MARCHF1: variants seen among roughly 807,000 people sequenced by gnomAD.
MARCHF1 encodes E3 ubiquitin-protein ligase MARCHF1.
In MARCHF1, 40 loss-of-function variants were observed where a neutral mutation model predicts 54.2. That is an observed-to-expected ratio of 0.74 (90% CI 0.57 to 0.96). MARCHF1 has a LOEUF of 0.96. MARCHF1 is among the 40% of genes least tolerant of loss of function. The probability of loss-of-function intolerance (pLI) is 0.00; values close to 1 mark genes in which losing one functional copy is unlikely to be tolerated. For synonymous variants in MARCHF1, 236 were observed against 236.3 expected, an observed-to-expected ratio of 1.00 and a Z score of 0.01; for missense variants, 586 against 656.5, an observed-to-expected ratio of 0.89 and a Z score of 1.17.
chr4:163,830,210 A>G (rs1459418755), intron 4 of MARCHF1, among the ~76,000 whole-genome samples: 1 of 151,984 alleles, frequency 6.6e-6, no homozygotes, highest in Non-Finnish European at 1.5e-5. Flanking sequence ...GAAATTTTTC[A>G]TAGATTTCCT....
chr4:163,859,793 C>T (rs1173797867), intron 3 of MARCHF1, among the ~76,000 whole-genome samples: 1 of 152,126 alleles, frequency 6.6e-6, no homozygotes, highest in Non-Finnish European at 1.5e-5. Context: ...TCTTCCAATC[C>T]TCATTATACT....
rs1480871352 is a variant in MARCHF1, at chr4:163,560,168, T to C, written c.1192-14425A>G. Among the ~76,000 whole-genome samples the C allele has an allele frequency of 5.3e-5, 8 of 152,352 alleles. No individual in the cohort carries two copies. The South Asian group carries it at 1.7e-3, about 32-fold the overall frequency. ...TACCTCACCCAAAGTCATAAAGGTT[T>C]TCTCCTTCGTTTTCTTGTAGAAGTG... On this transcript the variant is annotated intron_variant, in intron 8 of 9. Coordinates refer to ENST00000514618, the MANE Select transcript of MARCHF1 (RefSeq NM_001394959.1).
intron 4 of MARCHF1, among the ~76,000 whole-genome samples, chr4:163,798,902 T>C (rs879670341): frequency 6.6e-6 from 1 of 151,736 alleles, no homozygotes; most frequent in Non-Finnish European, 1.5e-5. Context: ...AAGTTACTTA[T>C]GTATAACTTC....
intron 4 of MARCHF1, among the ~76,000 whole-genome samples, chr4:163,848,862 A>G (rs755944166): frequency 6.6e-5 from 10 of 152,178 alleles, no homozygotes; most frequent in Non-Finnish European, 1.0e-4. Flanking sequence ...TCTACAGATT[A>G]AAAAAGGAAA....
At chr4:163,614,713 T>A (rs1741457002) in intron 5 of MARCHF1, among the ~76,000 whole-genome samples, 1 of 152,082 alleles carries the variant, frequency 6.6e-6, no homozygotes, top group African/African-American at 2.4e-5. Flanking sequence ...TAGTGAATAT[T>A]TTACCTTTTA....
At chr4:164,145,018 C>G (rs1177320337) in intron 1 of MARCHF1, among the ~76,000 whole-genome samples, 1 of 138,570 alleles carries the variant, frequency 7.2e-6, no homozygotes, top group Non-Finnish European at 1.5e-5. Flanking sequence ...GAAATACGAA[C>G]TACCGTCAGA....
chr4:164,265,747 A>G (rs1372308421), intron 1 of MARCHF1, among the ~76,000 whole-genome samples: 1 of 151,950 alleles, frequency 6.6e-6, no homozygotes, highest in African/African-American at 2.4e-5. Context: ...CTGGACCAAG[A>G]CAAGCTCTTC....
At chr4:164,128,060 G>T (rs1197093452) in intron 1 of MARCHF1, among the ~76,000 whole-genome samples, 1 of 152,086 alleles carries the variant, frequency 6.6e-6, no homozygotes, top group Non-Finnish European at 1.5e-5. Flanking sequence ...TGAAGAATAT[G>T]AATTTTTAAA....
intron 5 of MARCHF1, among the ~76,000 whole-genome samples, chr4:163,639,526 G>A (rs979949142): frequency 6.6e-6 from 1 of 152,142 alleles, no homozygotes; most frequent in Admixed American, 6.6e-5. Context: ...ATAAAATTCA[G>A]TGTAACAGAA....
intron 1 of MARCHF1, among the ~76,000 whole-genome samples, chr4:164,128,956 T>C (rs187045142): frequency 6.6e-6 from 1 of 152,152 alleles, no homozygotes; most frequent in Admixed American, 6.6e-5. Context: ...ATTTAACAAC[T>C]GTTCTGTTGT....
chr4:164,259,479 G>A (rs1347039871), intron 1 of MARCHF1, among the ~76,000 whole-genome samples: 1 of 69,326 alleles, frequency 1.4e-5, no homozygotes, highest in Non-Finnish European at 2.9e-5. Flanking sequence ...GGGAGGCAGA[G>A]GTTGCGGTGA....
chr4:163,779,255 C>T (rs1747394543), intron 4 of MARCHF1, among the ~76,000 whole-genome samples: 1 of 152,048 alleles, frequency 6.6e-6, no homozygotes, highest in Non-Finnish European at 1.5e-5. Flanking sequence ...ATTTTAGTCA[C>T]ATAGAATCAC....
intron 3 of MARCHF1, among the ~76,000 whole-genome samples, chr4:163,934,836 A>G (rs1751759831): frequency 1.3e-5 from 2 of 152,152 alleles, no homozygotes; most frequent in African/African-American, 4.8e-5. Flanking sequence ...GAAGTTAACT[A>G]AATTCCTGTT....
chr4:163,885,174 T>C (rs1300010089), intron 3 of MARCHF1, among the ~76,000 whole-genome samples: 1 of 152,182 alleles, frequency 6.6e-6, no homozygotes, highest in East Asian at 1.9e-4. Context: ...CAATCAGCCA[T>C]ACACACCATG....
Position 164,111,670 on chromosome 4 carries a change from G to A in MARCHF1, c.-322-8C>T, listed in dbSNP as rs193017053. On this transcript the variant is annotated splice_polypyrimidine_tract_variant and splice_region_variant and intron_variant, in intron 1 of 9. Coordinates refer to ENST00000514618, the MANE Select transcript of MARCHF1 (RefSeq NM_001394959.1). Reference sequence around the variant, plus strand: ...TCTTTTGGGGTACATTTCCTGAAACGAAAATTAAATTAATGTTAAGGCCAA... The same window carrying A: ...TCTTTTGGGGTACATTTCCTGAAACAAAAATTAAATTAATGTTAAGGCCAA... The A allele has an allele frequency of 1.2e-4, 18 of 151,624 alleles. No individual in the cohort carries two copies. Among genetic ancestry groups the A allele is most frequent in the East Asian group, 7.7e-4 (4 of 5,162 alleles). 9.4% of individuals were successfully genotyped at this position (151,624 alleles called of 1,614,324 possible). A position where few individuals can be genotyped will look rare whatever the true frequency, so the allele number is the denominator to read the frequency against.
intron 5 of MARCHF1, among the ~76,000 whole-genome samples, chr4:163,637,519 A>T (rs1318304941): frequency 6.6e-6 from 1 of 152,116 alleles, no homozygotes; most frequent in Non-Finnish European, 1.5e-5. Context: ...CCATCAGAGA[A>T]ATGCAAATCA....
At position 164,146,376 on chromosome 4, in the gene MARCHF1, A is replaced by T. The variant is rs1359624814; in HGVS notation, c.-322-34714T>A. ...GCCTGCATCGCCAAGTCAATCCTGA[A>T]CCAAAAGAACAAAGCTGGAGGCATC... On this transcript the variant is annotated intron_variant, in intron 1 of 9. Coordinates refer to ENST00000514618, the MANE Select transcript of MARCHF1 (RefSeq NM_001394959.1). Among the ~76,000 whole-genome samples, 5 of 151,884 alleles carry T rather than the reference A, an allele frequency of 3.3e-5. No individual in the cohort carries two copies. The South Asian group carries it at 8.3e-4, about 25-fold the overall frequency.
chr4:163,611,266 T>G (rs1372623371), intron 7 of MARCHF1, among the ~76,000 whole-genome samples: 1 of 152,104 alleles, frequency 6.6e-6, no homozygotes, highest in Non-Finnish European at 1.5e-5. Flanking sequence ...ATGACTATCC[T>G]ATAAAACTTT....
intron 2 of MARCHF1, among the ~76,000 whole-genome samples, chr4:164,109,816 G>C (rs1241650429): frequency 7.0e-6 from 1 of 143,412 alleles, no homozygotes; most frequent in Non-Finnish European, 1.5e-5. Flanking sequence ...AAACAGACTT[G>C]TTGTGAAATC....
Sources: gnomAD v4.1 joint callset for allele counts (sites outside exome capture counted in the v4.1 genomes callset) on GRCh38, gnomAD v4.1.1 for gene constraint, MANE v1.5 for transcripts, NCBI Gene and HGNC (gene_info 2026-07-23, HGNC 2026-07-21) for gene names.